IPMK: variants seen among roughly 807,000 people sequenced by gnomAD.
IPMK encodes the protein inositol polyphosphate multikinase, also known as inositol 1,3,4,6-tetrakisphosphate 5-kinase.
Under a neutral mutation model 45.8 loss-of-function variants are expected in IPMK, and 17 were observed. The ratio of observed to expected loss-of-function variants is 0.37; its 90% CI spans 0.25 to 0.56. The LOEUF is 0.56. Among genes scored for constraint, IPMK ranks in the 20% least tolerant of loss-of-function variants. The pLI, the probability that IPMK is intolerant of heterozygous loss-of-function variation, is 0.79. For missense variants in IPMK, 399 were observed against 498.0 expected (o/e 0.80, Z 1.89); for synonymous variants, 180 against 184.3 (o/e 0.98, Z 0.19).
At position 58,214,707 on chromosome 10, in the gene IPMK, A is replaced by G. The variant is rs117097523; in HGVS notation, c.546+1438T>C. Reference sequence around the variant, plus strand: ...ACTCAAAAAGGAAGATCCATATATCATTTTACATGAATTTCAGAACTACCC... The same window carrying G: ...ACTCAAAAAGGAAGATCCATATATCGTTTTACATGAATTTCAGAACTACCC... On this transcript the variant is annotated intron_variant, in intron 4 of 5. Transcript: ENST00000373935. 2.0e-4 allele frequency among the ~76,000 whole-genome samples: 31 copies of G among 152,270 alleles called. No individual in the cohort carries two copies. In the South Asian group the frequency reaches 6.4e-3, roughly 32 times the overall value.
chr10:58,217,814 T>C (rs529981742), intron 3 of IPMK, among the ~76,000 whole-genome samples: 3 of 151,500 alleles, frequency 2.0e-5, no homozygotes, highest in Admixed American at 6.6e-5. Context: ...TCAGTGAACA[T>C]GACAAATAAG....
chr10:58,226,404 C>T (rs1362364862), intron 3 of IPMK, among the ~76,000 whole-genome samples: 1 of 152,128 alleles, frequency 6.6e-6, no homozygotes. Context: ...TTTAACAAGA[C>T]CATAGGTTAT....
chr10:58,234,352 G>C (rs1838575570), intron 2 of IPMK, among the ~76,000 whole-genome samples: 1 of 152,120 alleles, frequency 6.6e-6, no homozygotes, highest in Non-Finnish European at 1.5e-5. Context: ...AGCCCCCATT[G>C]CTAAGACAAT....
chr10:58,221,977 G>A (rs1838344087), intron 3 of IPMK, among the ~76,000 whole-genome samples: 1 of 152,138 alleles, frequency 6.6e-6, no homozygotes, highest in African/African-American at 2.4e-5. Flanking sequence ...TTGAACTCCT[G>A]ACCTCAGGTG....
intron 4 of IPMK, among the ~76,000 whole-genome samples, chr10:58,213,844 G>T (rs961336721): frequency 5.3e-5 from 8 of 152,214 alleles, no homozygotes; most frequent in African/African-American, 1.9e-4. Flanking sequence ...ACTTTTCAAA[G>T]TAAAGTAAGG....
intron 1 of IPMK, among the ~76,000 whole-genome samples, chr10:58,238,211 T>C (rs1034741868): frequency 1.3e-5 from 2 of 152,236 alleles, no homozygotes; most frequent in African/African-American, 4.8e-5. Flanking sequence ...AAAGAACATA[T>C]GTGTTAACAG....
At chr10:58,236,636 G>A (rs76979983) in intron 2 of IPMK, among the ~76,000 whole-genome samples, 5,294 of 152,212 alleles carry the variant, frequency 0.035, 310 homozygotes, top group East Asian at 0.3. Flanking sequence ...CAGGTGTCGT[G>A]GCTCAAGCCC....
intron 4 of IPMK, among the ~76,000 whole-genome samples, chr10:58,205,104 C>A (rs1260936104): frequency 6.6e-6 from 1 of 151,950 alleles, no homozygotes; most frequent in Non-Finnish European, 1.5e-5. Context: ...AGTCTCAATA[C>A]AAGAGATAAA....
At chr10:58,252,700 C>A (rs1474411085) in intron 1 of IPMK, among the ~76,000 whole-genome samples, 1 of 150,790 alleles carries the variant, frequency 6.6e-6, no homozygotes, top group African/African-American at 2.4e-5. Flanking sequence ...GCAACCTCCA[C>A]CTTCCGGGTT....
chr10:58,251,625 G>C (rs1310169665), intron 1 of IPMK, among the ~76,000 whole-genome samples: 1 of 152,042 alleles, frequency 6.6e-6, no homozygotes, highest in Admixed American at 6.6e-5. Flanking sequence ...TCTCCCTTTA[G>C]GTCCACTAAT....
intron 1 of IPMK, among the ~76,000 whole-genome samples, chr10:58,248,927 A>G (rs1391222359): frequency 6.6e-6 from 1 of 152,134 alleles, no homozygotes; most frequent in African/African-American, 2.4e-5. Flanking sequence ...TTCTTTATCT[A>G]TTCATCTGTT....
intron 1 of IPMK, among the ~76,000 whole-genome samples, chr10:58,252,767 C>G (rs897902791): frequency 6.6e-6 from 1 of 151,856 alleles, no homozygotes; most frequent in Non-Finnish European, 1.5e-5. Context: ...CACCCACCAC[C>G]CGCCTGGGTA....
intron 4 of IPMK, among the ~76,000 whole-genome samples, chr10:58,207,360 T>G (rs534206165): frequency 1.3e-5 from 2 of 152,252 alleles, no homozygotes; most frequent in Non-Finnish European, 2.9e-5. Flanking sequence ...CGAATTGTAC[T>G]GCTATAAACA....
chr10:58,235,263 C>T (rs1423952089), intron 2 of IPMK, among the ~76,000 whole-genome samples: 1 of 152,176 alleles, frequency 6.6e-6, no homozygotes, highest in Non-Finnish European at 1.5e-5. Context: ...TGTGGCGATT[C>T]CTCAAGGATC....
intron 4 of IPMK, among the ~76,000 whole-genome samples, chr10:58,208,318 T>G (rs372260425): frequency 3.3e-5 from 5 of 152,304 alleles, no homozygotes; most frequent in African/African-American, 1.2e-4. Context: ...TTCTGAATTC[T>G]TTATATGGCA....
rs909635590 is a variant in IPMK at position 58,215,008 on chromosome 10, T to C, written c.546+1137A>G. Among the ~76,000 whole-genome samples, 14 of 152,322 alleles carry C rather than the reference T, an allele frequency of 9.2e-5. No individual in the cohort carries two copies. In the South Asian group the frequency reaches 2.3e-3, roughly 25 times the overall value. Reference sequence around the variant, plus strand: ...CTAGATTTTGCCCTATAGAATTTCATAGAAGTGACAGCAAATAAATTCCTA... The same window carrying C: ...CTAGATTTTGCCCTATAGAATTTCACAGAAGTGACAGCAAATAAATTCCTA... On this transcript the variant is annotated intron_variant, in intron 4 of 5. Transcript: ENST00000373935.
intron 1 of IPMK, among the ~76,000 whole-genome samples, chr10:58,252,995 A>C (rs963814530): frequency 2.6e-5 from 4 of 152,174 alleles, no homozygotes; most frequent in East Asian, 1.9e-4. Flanking sequence ...TCTCTCTAGC[A>C]GTCTGACATG....
chr10:58,255,070 G>C (rs1325434630), intron 1 of IPMK, among the ~76,000 whole-genome samples: 1 of 152,198 alleles, frequency 6.6e-6, no homozygotes, highest in East Asian at 1.9e-4. Context: ...GCAAGCACCT[G>C]GGCTTTGTGG....
rs903284644 is a variant in IPMK at position 58,193,159 on chromosome 10, G to A, written c.*2917C>T. 3 of 151,906 alleles carry A rather than the reference G, an allele frequency of 2.0e-5. No individual in the cohort carries two copies. Among genetic ancestry groups the A allele is most frequent in the African/African-American group, 7.2e-5 (3 of 41,428 alleles). 9.4% of individuals were successfully genotyped at this position (151,906 alleles called of 1,614,324 possible). On this transcript the variant is annotated 3_prime_UTR_variant, in exon 6 of 6. Transcript: ENST00000373935. ...CATGAAACAAAAAATTGCAACTGAA[G>A]TATCTGTGGAAATTCCTTTTTCTTA...
Sources: gnomAD v4.1 joint callset for allele counts (sites outside exome capture counted in the v4.1 genomes callset) on GRCh38, gnomAD v4.1.1 for gene constraint, MANE v1.5 for transcripts, NCBI Gene and HGNC (gene_info 2026-07-23, HGNC 2026-07-21) for gene names.